The following ARHGEF3 variants were observed in gnomAD, a reference collection of about 807,000 sequenced individuals.
ARHGEF3 encodes Rho guanine nucleotide exchange factor 3, also known as 59.8 kDA protein.
A neutral mutation model predicts 63.2 loss-of-function variants in ARHGEF3; 28 were observed. The observed-to-expected ratio is 0.44, with a 90% confidence interval of 0.33 to 0.61. The LOEUF (loss-of-function observed/expected upper bound fraction) is 0.61, where lower values mean the gene tolerates loss of function less well. Among genes scored for constraint, ARHGEF3 ranks in the 20% least tolerant of loss-of-function variants. ARHGEF3 has a pLI of 0.03. For synonymous variants in ARHGEF3, 266 were observed against 254.2 expected, an observed-to-expected ratio of 1.05 and a Z score of -0.44; for missense variants, 533 against 659.3, an observed-to-expected ratio of 0.81 and a Z score of 2.10.
intron 2 of ARHGEF3, among the ~76,000 whole-genome samples, chr3:57,031,539 C>G (rs1703735626): frequency 1.3e-5 from 2 of 152,316 alleles, no homozygotes; most frequent in South Asian, 4.1e-4. Context: ...TTAACCACCG[C>G]TCAGATGTGT....
At chr3:56,787,259 G>A (rs1474454711) in intron 1 of ARHGEF3, among the ~76,000 whole-genome samples, 3 of 152,148 alleles carry the variant, frequency 2.0e-5, no homozygotes, top group African/African-American at 4.8e-5. Context: ...AGAGTCAAGC[G>A]AGGGGCGCCC....
intron 3 of ARHGEF3, among the ~76,000 whole-genome samples, chr3:56,886,409 A>G (rs1193387035): frequency 1.3e-5 from 2 of 152,218 alleles, no homozygotes; most frequent in Non-Finnish European, 2.9e-5. Flanking sequence ...GGACCTGGTG[A>G]AGAAGGGCGT....
At chr3:56,945,498 G>A (rs993261435) in intron 3 of ARHGEF3, among the ~76,000 whole-genome samples, 1 of 152,154 alleles carries the variant, frequency 6.6e-6, no homozygotes, top group Non-Finnish European at 1.5e-5. Context: ...AGGGTCCTAC[G>A]CCCACAGAGA....
chr3:56,930,478 T>G (rs1383847633), intron 3 of ARHGEF3, among the ~76,000 whole-genome samples: 1 of 152,052 alleles, frequency 6.6e-6, no homozygotes, highest in Non-Finnish European at 1.5e-5. Flanking sequence ...AAACTTCGTG[T>G]TTCTTCCAGC....
intron 2 of ARHGEF3, among the ~76,000 whole-genome samples, chr3:56,755,850 A>G (rs1333913350): frequency 6.6e-6 from 1 of 152,198 alleles, no homozygotes; most frequent in Non-Finnish European, 1.5e-5. Context: ...AGAATGAAGG[A>G]TGGAGTGACC....
intron 2 of ARHGEF3, among the ~76,000 whole-genome samples, chr3:57,030,131 C>T (rs1703672346): frequency 1.3e-5 from 2 of 152,206 alleles, no homozygotes; most frequent in East Asian, 3.8e-4. Flanking sequence ...AGCGCTGGGG[C>T]AAATTGCAAT....
intron 3 of ARHGEF3, among the ~76,000 whole-genome samples, chr3:56,937,272 T>C: frequency 6.6e-6 from 1 of 152,184 alleles, no homozygotes; most frequent in East Asian, 1.9e-4. Context: ...TATTGATAAC[T>C]TAGGTTTGAT....
intron 1 of ARHGEF3, among the ~76,000 whole-genome samples, chr3:57,060,238 C>T (rs955497422): frequency 2.0e-5 from 3 of 148,258 alleles, no homozygotes; most frequent in Non-Finnish European, 4.5e-5. Flanking sequence ...GAGGTCAAGG[C>T]TGCAGGGAGC....
intron 1 of ARHGEF3, among the ~76,000 whole-genome samples, chr3:57,065,094 GA>G (rs1248701499): frequency 6.6e-6 from 1 of 152,222 alleles, no homozygotes; most frequent in African/African-American, 2.4e-5. Context: ...TTTAAGTTGG[GA>G]GAAATAACTG....
intron 4 of ARHGEF3, among the ~76,000 whole-genome samples, chr3:56,827,091 T>C (rs926604170): frequency 1.3e-5 from 2 of 152,178 alleles, no homozygotes; most frequent in Admixed American, 1.3e-4. Flanking sequence ...CCAGAAAAGA[T>C]TGATAAAATT....
intron 1 of ARHGEF3, among the ~76,000 whole-genome samples, chr3:57,040,415 T>C (rs568664942): frequency 6.7e-6 from 1 of 149,690 alleles, no homozygotes; most frequent in African/African-American, 2.5e-5. Context: ...AGATGGAGGT[T>C]GCAGTGAGCT....
chr3:56,837,907 T>C (rs1305606831), intron 4 of ARHGEF3, among the ~76,000 whole-genome samples: 1 of 152,176 alleles, frequency 6.6e-6, no homozygotes, highest in African/African-American at 2.4e-5. Context: ...AACTTACATA[T>C]TTCTAACACA....
rs2039601119 is a variant in ARHGEF3 at position 56,849,519 on chromosome 3, T to C, written c.192+32773A>G. Reference sequence around the variant, plus strand: ...CAACTTCCCAGGGTTGTGGAAAGGATTAAAGGAGAAAATACACGCTAAGTC... The same window carrying C: ...CAACTTCCCAGGGTTGTGGAAAGGACTAAAGGAGAAAATACACGCTAAGTC... On this transcript the variant is annotated intron_variant, in intron 4 of 12. Transcript: ENST00000338458. Among the ~76,000 whole-genome samples, 2 of 152,048 alleles carry C rather than the reference T, an allele frequency of 1.3e-5. 1 individual carries two copies. Among genetic ancestry groups the C allele is most frequent in the South Asian group, 4.1e-4 (2 of 4,828 alleles).
At chr3:56,829,386 A>G (rs1245401087) in intron 4 of ARHGEF3, among the ~76,000 whole-genome samples, 2 of 152,156 alleles carry the variant, frequency 1.3e-5, no homozygotes, top group Non-Finnish European at 2.9e-5. Flanking sequence ...CCCTGGCTCC[A>G]GCAGCCTACC....
At chr3:57,034,667 T>C (rs1311595127) in intron 2 of ARHGEF3, among the ~76,000 whole-genome samples, 1 of 146,932 alleles carries the variant, frequency 6.8e-6, no homozygotes, top group Non-Finnish European at 1.5e-5. Context: ...TTTTTTTTTT[T>C]TTTTTTTTTG....
chr3:57,057,048 G>A (rs1224302758), intron 1 of ARHGEF3, among the ~76,000 whole-genome samples: 1 of 151,938 alleles, frequency 6.6e-6, no homozygotes, highest in Non-Finnish European at 1.5e-5. Context: ...ACCTCCAGCT[G>A]TAGTCCCGTT....
chr3:56,886,655 C>G (rs1463329008), intron 3 of ARHGEF3, among the ~76,000 whole-genome samples: 1 of 152,198 alleles, frequency 6.6e-6, no homozygotes, highest in African/African-American at 2.4e-5. Context: ...ATAATTCACA[C>G]TGATAATAAT....
At chr3:56,897,767 G>A (rs1209922222) in intron 3 of ARHGEF3, among the ~76,000 whole-genome samples, 3 of 151,514 alleles carry the variant, frequency 2.0e-5, no homozygotes, top group Non-Finnish European at 4.4e-5. Context: ...GGTTTTCACC[G>A]TGTTAGCCAG....
chr3:56,738,091 T>A (rs907685858), intron 7 of ARHGEF3, among the ~76,000 whole-genome samples: 1 of 152,216 alleles, frequency 6.6e-6, no homozygotes, highest in African/African-American at 2.4e-5. Context: ...GTCACTAGGC[T>A]GGAGTGCAGT....
Sources: allele counts gnomAD v4.1 joint callset (sites outside exome capture counted in the v4.1 genomes callset), GRCh38; gene constraint gnomAD v4.1.1; transcripts MANE v1.5; gene names NCBI Gene and HGNC (gene_info 2026-07-23, HGNC 2026-07-21).